Variants in COLEC10 observed in about 807,000 individuals in gnomAD.
COLEC10 encodes the protein collectin-10.
In COLEC10, 22 loss-of-function variants were observed where a neutral mutation model predicts 28.4. The ratio of observed to expected loss-of-function variants is 0.78; its 90% CI spans 0.55 to 1.11. The LOEUF is 1.11. Among genes scored for constraint, COLEC10 ranks in the 50% least tolerant of loss-of-function variants. The pLI is 0.00. For synonymous variants in COLEC10, 125 were observed against 116.1 expected (o/e 1.08, Z -0.49); for missense variants, 361 against 344.1 (o/e 1.05, Z -0.39).
In COLEC10 at chr8:119,038,690, G is replaced by A. The variant is rs182954238; in HGVS notation, n.235+29137G>A. ...AAATGGTAATGTAACTAACACCTGT[G>A]AATCTATCACTGTCATTCATTTGTG... On this transcript the variant is annotated intron_variant and non_coding_transcript_variant, in intron 2 of 6. Coordinates refer to the COLEC10 transcript ENST00000521788. 4.3e-4 allele frequency among the ~76,000 whole-genome samples: 65 copies of A among 152,286 alleles called. 1 individual carries two copies. In the East Asian group the frequency reaches 0.012, roughly 28 times the overall value.
At chr8:118,966,764 G>A in the COLEC10 span, among the ~76,000 whole-genome samples, 1 of 151,686 alleles carries the variant, frequency 6.6e-6, no homozygotes, top group Non-Finnish European at 1.5e-5. Context: ...TTACTCTTCA[G>A]CTCCACTTCA....
At chr8:118,960,129 G>A in the COLEC10 span, among the ~76,000 whole-genome samples, 1 of 152,278 alleles carries the variant, frequency 6.6e-6, no homozygotes, top group South Asian at 2.1e-4. Context: ...AGACCCAGAG[G>A]TGGATAAGAG....
At chr8:118,979,208 T>C in the COLEC10 span, among the ~76,000 whole-genome samples, 1 of 152,054 alleles carries the variant, frequency 6.6e-6, no homozygotes, top group East Asian at 1.9e-4. Context: ...AAATGGTTAT[T>C]TTTTTAAGCA....
intron 2 of COLEC10, among the ~76,000 whole-genome samples, chr8:119,035,634 A>G (rs2130139234): frequency 6.6e-6 from 1 of 152,344 alleles, no homozygotes; most frequent in South Asian, 2.1e-4. Context: ...TTTGCATCCA[A>G]AGACCACCAC....
intron 1 of COLEC10, among the ~76,000 whole-genome samples, chr8:119,070,058 T>C (rs1363650886): frequency 6.6e-6 from 1 of 152,150 alleles, no homozygotes; most frequent in African/African-American, 2.4e-5. Flanking sequence ...TAGAATATAT[T>C]GACCAATATA....
At chr8:118,979,535 T>G in the COLEC10 span, among the ~76,000 whole-genome samples, 1 of 152,104 alleles carries the variant, frequency 6.6e-6, no homozygotes, top group South Asian at 2.1e-4. Context: ...CAGTTTTTTT[T>G]CAAATTACTC....
chr8:119,048,429 T>G (rs1386875718), intron 2 of COLEC10, among the ~76,000 whole-genome samples: 1 of 152,212 alleles, frequency 6.6e-6, no homozygotes, highest in Non-Finnish European at 1.5e-5. Context: ...AATCTAACAT[T>G]GTCAGTGGGA....
the COLEC10 span, among the ~76,000 whole-genome samples, chr8:118,987,983 G>A: frequency 1.3e-5 from 2 of 152,104 alleles, no homozygotes; most frequent in South Asian, 2.1e-4. Context: ...CGCATGTTTG[G>A]TTCTACCAGA....
the COLEC10 span, among the ~76,000 whole-genome samples, chr8:118,975,444 C>T: frequency 5.4e-3 from 826 of 152,078 alleles, 5 homozygotes; most frequent in Non-Finnish European, 9.9e-3. Context: ...AGGCATATAA[C>T]TCATTGTGTC....
the COLEC10 span, among the ~76,000 whole-genome samples, chr8:118,963,803 A>G: frequency 6.6e-6 from 1 of 151,962 alleles, no homozygotes; most frequent in Non-Finnish European, 1.5e-5. Context: ...TCACCTTTGT[A>G]TTCCCTGTCA....
At chr8:119,022,549 C>G (rs1587003006) in intron 2 of COLEC10, among the ~76,000 whole-genome samples, 1 of 152,094 alleles carries the variant, frequency 6.6e-6, no homozygotes, top group South Asian at 2.1e-4. Context: ...TTTCACACCC[C>G]ACATCCAATC....
chr8:119,023,915 C>A (rs1814140521), intron 2 of COLEC10, among the ~76,000 whole-genome samples: 1 of 152,118 alleles, frequency 6.6e-6, no homozygotes, highest in South Asian at 2.1e-4. Flanking sequence ...TGTACACCAG[C>A]TGCTTTTGTC....
rs192005858 is a variant in COLEC10, at chr8:119,107,742, C to A, written c.*1551C>A. On this transcript the variant is annotated 3_prime_UTR_variant, in exon 6 of 6. Coordinates refer to ENST00000332843, the MANE Select transcript of COLEC10 (RefSeq NM_006438.5). The stretch of plus-strand genomic sequence containing the variant: ...AGCACAGCTTGCCCTTCCAAAGGAG[C>A]CAGCTGCTCCTCAGTGGCTGCTGCT... 2.5e-3 allele frequency among the ~76,000 whole-genome samples: 373 copies of A among 152,230 alleles called. 1 individual carries two copies. The highest frequency in any genetic ancestry group is 8.3e-3 in the African/African-American group (343 of 41,542).
At chr8:119,049,812 A>G (rs1814647082) in intron 2 of COLEC10, among the ~76,000 whole-genome samples, 1 of 152,256 alleles carries the variant, frequency 6.6e-6, no homozygotes, top group Admixed American at 6.5e-5. Context: ...GAATCATACT[A>G]TAAATCATAC....
At chr8:118,982,615 G>A in the COLEC10 span, 2 of 193,070 alleles carry the variant, frequency 1.0e-5, no homozygotes, top group Non-Finnish European at 2.3e-5. Flanking sequence ...TAGTTAGGCT[G>A]GACTATGGGA....
chr8:118,989,233 T>C, the COLEC10 span, among the ~76,000 whole-genome samples: 132 of 152,226 alleles, frequency 8.7e-4, no homozygotes, highest in Non-Finnish European at 1.6e-3. Context: ...ATGGGCTCAT[T>C]AGTAGCGTGG....
chr8:119,008,144 C>A (rs12677367), intron 1 of COLEC10, among the ~76,000 whole-genome samples: 6,853 of 150,904 alleles, frequency 0.045, 440 homozygotes, highest in East Asian at 0.16. Flanking sequence ...CAGTTCAAGA[C>A]CCACACAACT....
chr8:119,025,676 G>A (rs1158253780), intron 2 of COLEC10, among the ~76,000 whole-genome samples: 2 of 152,180 alleles, frequency 1.3e-5, no homozygotes, highest in Admixed American at 1.3e-4. Context: ...TGAGAAAGGA[G>A]AAGATATTCT....
intron 1 of COLEC10, among the ~76,000 whole-genome samples, chr8:119,071,760 C>T (rs6995289): frequency 0.096 from 14,644 of 152,116 alleles, 2,364 homozygotes; most frequent in African/African-American, 0.33. Context: ...GAAGAGCTCC[C>T]GACACATAGT....
Sources: gnomAD v4.1 joint callset for allele counts (sites outside exome capture counted in the v4.1 genomes callset) on GRCh38, gnomAD v4.1.1 for gene constraint, MANE v1.5 for transcripts, NCBI Gene and HGNC (gene_info 2026-07-23, HGNC 2026-07-21) for gene names.